CA10: variants seen among roughly 807,000 people sequenced by gnomAD.
The protein encoded by CA10 is carbonic anhydrase 10 (inactive).
CA10 carries 14 observed loss-of-function variants against 44.2 expected under a neutral mutation model. That is an observed-to-expected ratio of 0.32 (90% CI 0.21 to 0.50). The LOEUF is 0.50. Among genes scored for constraint, CA10 ranks in the 20% least tolerant of loss-of-function variants. The pLI, the probability that CA10 is intolerant of heterozygous loss-of-function variation, is 0.99. For synonymous variants in CA10, 159 were observed against 141.6 expected (o/e 1.12, Z -0.87); for missense variants, 350 against 409.7 (o/e 0.85, Z 1.26).
intron 2 of CA10, among the ~76,000 whole-genome samples, chr17:52,068,363 G>A (rs181885974): frequency 5.1e-4 from 77 of 152,238 alleles, no homozygotes; most frequent in Admixed American, 5.2e-4. Context: ...GAGGCCTCCC[G>A]GCCATACTTA....
intron 3 of CA10, among the ~76,000 whole-genome samples, chr17:51,922,538 T>C (rs1256436364): frequency 1.3e-5 from 2 of 152,222 alleles, no homozygotes; most frequent in East Asian, 3.9e-4. Flanking sequence ...CTGGTCCTCC[T>C]TGGCTCTAAG....
intron 2 of CA10, among the ~76,000 whole-genome samples, chr17:52,058,052 T>C (rs1226815118): frequency 6.6e-6 from 1 of 152,130 alleles, no homozygotes; most frequent in African/African-American, 2.4e-5. Flanking sequence ...ATTGGATGGC[T>C]GCAACGTGAC....
chr17:52,145,185 T>C (rs1308190862), intron 1 of CA10, among the ~76,000 whole-genome samples: 1 of 152,212 alleles, frequency 6.6e-6, no homozygotes, highest in African/African-American at 2.4e-5. Context: ...ATTGCCCATA[T>C]AGAAAGTCAT....
intron 3 of CA10, among the ~76,000 whole-genome samples, chr17:51,754,433 AT>A (rs1567828582): frequency 4.6e-5 from 6 of 129,414 alleles, no homozygotes; most frequent in African/African-American, 1.8e-4. Context: ...ATATATATAT[AT>A]ATATATATAT....
At chr17:52,124,880 G>A (rs554825451) in intron 1 of CA10, among the ~76,000 whole-genome samples, 1 of 152,320 alleles carries the variant, frequency 6.6e-6, no homozygotes, top group African/African-American at 2.4e-5. Context: ...ACAGCTCTCA[G>A]GATAAGGTCC....
intron 2 of CA10, among the ~76,000 whole-genome samples, chr17:52,049,192 G>A (rs2144206206): frequency 6.6e-6 from 1 of 152,226 alleles, no homozygotes; most frequent in East Asian, 1.9e-4. Context: ...ATGATTGCGA[G>A]AGTCTCACTG....
At chr17:51,831,698 A>AGCG (rs1567854587) in intron 3 of CA10, among the ~76,000 whole-genome samples, 2 of 81,702 alleles carry the variant, frequency 2.4e-5, no homozygotes, top group Non-Finnish European at 5.9e-5. Flanking sequence ...CAGCAGCAGC[A>AGCG]GCAGCAGCAG....
chr17:51,905,753 C>A (rs1415559121), intron 3 of CA10, among the ~76,000 whole-genome samples: 1 of 152,072 alleles, frequency 6.6e-6, no homozygotes, highest in Non-Finnish European at 1.5e-5. Context: ...CTCTAGTCAA[C>A]TCACGCTCCC....
chr17:51,780,433 T>C (rs1003084456), intron 3 of CA10, among the ~76,000 whole-genome samples: 1 of 152,212 alleles, frequency 6.6e-6, no homozygotes, highest in African/African-American at 2.4e-5. Context: ...TGCCTCTTTC[T>C]GGCCACCACA....
At chr17:51,800,535 A>C (rs1906886950) in intron 3 of CA10, among the ~76,000 whole-genome samples, 1 of 152,092 alleles carries the variant, frequency 6.6e-6, no homozygotes, top group South Asian at 2.1e-4. Flanking sequence ...AAATGAGATA[A>C]TTCCTTTAAA....
At chr17:51,955,261 GTTTCC>G (rs1029935636) in intron 2 of CA10, among the ~76,000 whole-genome samples, 1 of 152,096 alleles carries the variant, frequency 6.6e-6, no homozygotes, top group African/African-American at 2.4e-5. Context: ...CCTCTGAGAG[GTTTCC>G]TGATGGCCTC....
chr17:51,738,086 T>C (rs1211016890), intron 4 of CA10, among the ~76,000 whole-genome samples: 6 of 152,172 alleles, frequency 3.9e-5, no homozygotes, highest in Non-Finnish European at 8.8e-5. Context: ...CCAGAAATGA[T>C]GCAAAAAATT....
intron 2 of CA10, among the ~76,000 whole-genome samples, chr17:52,015,275 C>T (rs542563810): frequency 1.3e-4 from 20 of 152,192 alleles, no homozygotes; most frequent in Non-Finnish European, 2.2e-4. Context: ...TTGGAACTGA[C>T]ATCATGCCGG....
At chr17:51,658,747 A>G (rs978923798) in intron 4 of CA10, among the ~76,000 whole-genome samples, 2 of 152,192 alleles carry the variant, frequency 1.3e-5, no homozygotes, top group African/African-American at 4.8e-5. Context: ...TCTGATGTGC[A>G]TTTTTGAAAG....
rs141112841 is a variant in CA10 at position 51,891,068 on chromosome 17, G to A, written c.279+39922C>T. On this transcript the variant is annotated intron_variant, in intron 3 of 8. Transcript: ENST00000451037. ...ATTGAAAAAGATGCAAAAGGCAGTAGAGACAAATAAGAGATTCCAATGATT... is the reference window on the plus strand; with the variant it reads ...ATTGAAAAAGATGCAAAAGGCAGTAAAGACAAATAAGAGATTCCAATGATT... Among the ~76,000 whole-genome samples the A allele has an allele frequency of 2.9e-3, 444 of 152,296 alleles. 1 individual carries two copies. The highest frequency in any genetic ancestry group is 0.01 in the African/African-American group (432 of 41,572).
chr17:51,901,875 A>G (rs1055293698), intron 3 of CA10, among the ~76,000 whole-genome samples: 1 of 152,170 alleles, frequency 6.6e-6, no homozygotes, highest in Non-Finnish European at 1.5e-5. Context: ...TAAGTTATAA[A>G]GTTAGTATAA....
chr17:52,123,022 A>G (rs968619284), intron 1 of CA10, among the ~76,000 whole-genome samples: 14 of 152,150 alleles, frequency 9.2e-5, no homozygotes, highest in Non-Finnish European at 1.9e-4. Flanking sequence ...ATAGGCCAAG[A>G]TATCTGAATT....
chr17:51,778,700 C>T (rs1024460795), intron 3 of CA10, among the ~76,000 whole-genome samples: 8 of 152,132 alleles, frequency 5.3e-5, no homozygotes, highest in African/African-American at 1.9e-4. Context: ...AGGCCTTGTG[C>T]GAGGCATGGG....
chr17:52,040,825 C>G (rs1397256176), intron 2 of CA10, among the ~76,000 whole-genome samples: 1 of 151,960 alleles, frequency 6.6e-6, no homozygotes, highest in Admixed American at 6.6e-5. Flanking sequence ...CAGAAATGTG[C>G]AGATGGGTCT....
Sources: gnomAD v4.1 joint callset for allele counts (sites outside exome capture counted in the v4.1 genomes callset) on GRCh38, gnomAD v4.1.1 for gene constraint, MANE v1.5 for transcripts, NCBI Gene and HGNC (gene_info 2026-07-23, HGNC 2026-07-21) for gene names.